The following SORCS2 variants were observed in gnomAD, a reference collection of about 807,000 sequenced individuals.
SORCS2 encodes VPS10 domain-containing receptor SorCS2.
A neutral mutation model predicts 141.6 loss-of-function variants in SORCS2; 100 were observed. That is an observed-to-expected ratio of 0.71 (90% CI 0.60 to 0.83). The LOEUF (loss-of-function observed/expected upper bound fraction) is 0.83. Among genes scored for constraint, SORCS2 ranks in the 40% least tolerant of loss-of-function variants. The pLI, the probability that SORCS2 is intolerant of heterozygous loss-of-function variation, is 0.00. For synonymous variants in SORCS2, 789 were observed against 676.9 expected (o/e 1.17, Z -2.57); for missense variants, 1,646 against 1,560.2 (o/e 1.05, Z -0.93).
intron 1 of SORCS2, among the ~76,000 whole-genome samples, chr4:7,230,428 A>G (rs185805866): frequency 2.3e-5 from 3 of 129,522 alleles, no homozygotes; most frequent in African/African-American, 9.1e-5. Context: ...AAGCAGTGTC[A>G]TTTGCTCATG....
intron 1 of SORCS2, among the ~76,000 whole-genome samples, chr4:7,303,672 C>A (rs1019263615): frequency 6.6e-6 from 1 of 152,222 alleles, no homozygotes; most frequent in South Asian, 2.1e-4. Flanking sequence ...GTTGAGTTGG[C>A]GAGCTGCCCA....
At chr4:7,595,738 G>A (rs1406748813) in intron 3 of SORCS2, among the ~76,000 whole-genome samples, 1 of 152,170 alleles carries the variant, frequency 6.6e-6, no homozygotes. Context: ...CAGATTTGCT[G>A]CCCTGGTTCT....
Position 7,732,873 on chromosome 4 carries a change from G to C in SORCS2, c.3109-449G>C, listed in dbSNP as rs374458697. Among the ~76,000 whole-genome samples, 5 of 152,140 alleles carry C rather than the reference G, an allele frequency of 3.3e-5. No homozygotes were observed. In the East Asian group the frequency reaches 9.7e-4, roughly 30 times the overall value. ...TTCCCGTGGTACAAAGGAGGACACC[G>C]AGGCTCAGCGAGGCCAGGTGGCCTG... On this transcript the variant is annotated intron_variant, in intron 23 of 26. Transcript: ENST00000507866.
chr4:7,451,036 G>A (rs922853487), intron 2 of SORCS2, among the ~76,000 whole-genome samples: 1 of 150,398 alleles, frequency 6.6e-6, no homozygotes, highest in Admixed American at 6.6e-5. Flanking sequence ...GAATGAGTGA[G>A]TGAATGAGTG....
At position 7,371,214 on chromosome 4, in the gene SORCS2, C is replaced by T. The variant is rs764719159; in HGVS notation, c.481-25074C>T. On this transcript the variant is annotated intron_variant, in intron 1 of 26. Transcript: ENST00000507866. ...CATTCCTGCGAAGGTCTATGGGGAT[C>T]GTGCCCACGTGTGTACCCGCTGCAG... Among the ~76,000 whole-genome samples, 8 of 152,248 alleles carry T rather than the reference C, an allele frequency of 5.3e-5. 1 individual carries two copies. In the East Asian group the frequency reaches 5.8e-4, roughly 11 times the overall value.
intron 3 of SORCS2, among the ~76,000 whole-genome samples, chr4:7,555,176 T>C (rs1714018122): frequency 6.6e-6 from 1 of 152,226 alleles, no homozygotes; most frequent in South Asian, 2.1e-4. Context: ...AAAGTGATGG[T>C]AATTGCATGA....
chr4:7,638,305 T>A, intron 3 of SORCS2, 23 bp from the exon 4 acceptor site: 1 of 1,496,564 alleles, frequency 6.7e-7, no homozygotes, highest in East Asian at 2.6e-5. Context: ...GGCCCAGGCC[T>A]CACAACCCGC....
intron 2 of SORCS2, among the ~76,000 whole-genome samples, chr4:7,465,065 G>A (rs1459442802): frequency 6.6e-6 from 1 of 152,242 alleles, no homozygotes; most frequent in East Asian, 1.9e-4. Flanking sequence ...CCCCTTGCAG[G>A]GTTTTTGTGG....
chr4:7,557,285 A>G (rs1714205806), intron 3 of SORCS2, among the ~76,000 whole-genome samples: 1 of 152,158 alleles, frequency 6.6e-6, no homozygotes, highest in African/African-American at 2.4e-5. Flanking sequence ...GGACGGTGGC[A>G]GGGATGGCTG....
At chr4:7,627,581 G>A (rs1462127276) in intron 3 of SORCS2, among the ~76,000 whole-genome samples, 1 of 152,214 alleles carries the variant, frequency 6.6e-6, no homozygotes, top group Admixed American at 6.5e-5. Flanking sequence ...TTGGCAGAGA[G>A]CTTTTATTTG....
Position 7,256,502 on chromosome 4 carries a change from T to G in SORCS2, c.480+63376T>G, listed in dbSNP as rs531988998. ...AGGAACTCTAAACTGTGGGGATATATTCAGTCATTCATTCACTCATTCATT... is the reference window on the plus strand; with the variant it reads ...AGGAACTCTAAACTGTGGGGATATAGTCAGTCATTCATTCACTCATTCATT... On this transcript the variant is annotated intron_variant, in intron 1 of 26. Transcript: ENST00000507866. Among the ~76,000 whole-genome samples the G allele has an allele frequency of 2.6e-5, 4 of 152,256 alleles. No individual in the cohort carries two copies. In the East Asian group the frequency reaches 7.7e-4, roughly 29 times the overall value.
intron 1 of SORCS2, among the ~76,000 whole-genome samples, chr4:7,378,534 A>C (rs956932105): frequency 1.3e-5 from 2 of 152,178 alleles, no homozygotes; most frequent in Non-Finnish European, 2.9e-5. Flanking sequence ...ATCTCATGGG[A>C]ACTCACTCAC....
rs777482834 is a variant in SORCS2, at chr4:7,221,053, C to T, written c.480+27927C>T. Among the ~76,000 whole-genome samples the T allele has an allele frequency of 1.2e-4, 18 of 152,142 alleles. 1 individual carries two copies. The highest frequency in any genetic ancestry group is 2.4e-4 in the Non-Finnish European group (16 of 68,034). Reference sequence around the variant, plus strand: ...AATCATAATTATTTTTGTGGGCAAACGTGTCAGCTCAGTGACGGCACCCAA... The same window carrying T: ...AATCATAATTATTTTTGTGGGCAAATGTGTCAGCTCAGTGACGGCACCCAA... On this transcript the variant is annotated intron_variant, in intron 1 of 26. Coordinates refer to ENST00000507866, the MANE Select transcript of SORCS2 (RefSeq NM_020777.3).
chr4:7,512,989 C>T (rs1404661104), intron 2 of SORCS2, among the ~76,000 whole-genome samples: 3 of 152,162 alleles, frequency 2.0e-5, no homozygotes, highest in African/African-American at 7.2e-5. Context: ...GTAGGAAAAG[C>T]CCACATCATT....
At chr4:7,261,415 C>T (rs139764253) in intron 1 of SORCS2, among the ~76,000 whole-genome samples, 5 of 152,196 alleles carry the variant, frequency 3.3e-5, no homozygotes, top group Non-Finnish European at 7.3e-5. Context: ...GTTTGTCTGC[C>T]ATGCCTGCGT....
intron 1 of SORCS2, among the ~76,000 whole-genome samples, chr4:7,279,269 A>G (rs2108856087): frequency 6.6e-6 from 1 of 152,346 alleles, no homozygotes; most frequent in East Asian, 1.9e-4. Context: ...AAGGAAAAAC[A>G]TCAGATGGAG....
intron 4 of SORCS2, 28 bp downstream of exon 4, chr4:7,638,520 G>C (rs2108863824): frequency 6.3e-7 from 1 of 1,595,314 alleles, no homozygotes; most frequent in Non-Finnish European, 8.5e-7. Flanking sequence ...CAGTCGCCTG[G>C]TCTGTGGGGC....
At chr4:7,397,170 T>C (rs1724268435) in intron 2 of SORCS2, among the ~76,000 whole-genome samples, 1 of 152,260 alleles carries the variant, frequency 6.6e-6, no homozygotes, top group Non-Finnish European at 1.5e-5. Context: ...TACCTGCTGA[T>C]CAGGACCTCG....
chr4:7,294,690 CT>C (rs1387669794), intron 1 of SORCS2, among the ~76,000 whole-genome samples: 65 of 122,482 alleles, frequency 5.3e-4, no homozygotes, highest in African/African-American at 1.7e-3. Context: ...CCTCCTCCCC[CT>C]CATCCTCTCC....
Sources: gnomAD v4.1 joint callset for allele counts (sites outside exome capture counted in the v4.1 genomes callset) on GRCh38, gnomAD v4.1.1 for gene constraint, MANE v1.5 for transcripts, NCBI Gene and HGNC (gene_info 2026-07-23, HGNC 2026-07-21) for gene names.